Variants in ACOT11 observed in about 807,000 individuals in gnomAD.
The protein encoded by ACOT11 is acyl-coenzyme A thioesterase 11.
Under a neutral mutation model 77.5 loss-of-function variants are expected in ACOT11, and 69 were observed. The observed-to-expected ratio is 0.89, with a 90% CI of 0.73 to 1.09. ACOT11 has a LOEUF of 1.09. Ranked by LOEUF, ACOT11 falls within the 50% of genes least tolerant of loss-of-function variation. The pLI is 0.00. For missense variants in ACOT11, 766 were observed against 813.7 expected, an observed-to-expected ratio of 0.94 and a Z score of 0.71; for synonymous variants, 279 against 313.0, an observed-to-expected ratio of 0.89 and a Z score of 1.15.
At chr1:54,591,694 G>T (rs1456664342) in intron 3 of ACOT11, among the ~76,000 whole-genome samples, 1 of 152,318 alleles carries the variant, frequency 6.6e-6, no homozygotes, top group South Asian at 2.1e-4. Flanking sequence ...AGGCTAGGTG[G>T]CTCCCCTGGG....
chr1:54,610,738 A>G (rs1312290771), downstream of ACOT11: 1 of 915,588 alleles, frequency 1.1e-6, no homozygotes, highest in East Asian at 1.7e-4. Context: ...AGGTCTTATA[A>G]GCAGTAAGCA....
At chr1:54,560,687 C>G (rs1267893395) in intron 1 of ACOT11, among the ~76,000 whole-genome samples, 1 of 151,852 alleles carries the variant, frequency 6.6e-6, no homozygotes, top group Non-Finnish European at 1.5e-5. Context: ...TACACCTGAC[C>G]TAGCAACCAA....
rs1187150361 is a variant in ACOT11, at chr1:54,601,289, T to C, written c.905T>C (p.Val302Ala). 6.2e-7 allele frequency: 1 copy of C among 1,612,400 alleles called. No homozygotes were observed. The highest frequency in any genetic ancestry group is 8.5e-7 in the Non-Finnish European group (1 of 1,179,982). ...FKHSMEVGVC[V>A]EAYRQEAETH... is the part of the protein sequence containing the mutation. ...CTCAGCATGGAGGTGGGCGTGTGCG[T>C]GGAGGCCTATCGCCAGGAGGCTGAG... Residue 302 changes from valine to alanine, a missense_variant, in exon 9 of 16, where the codon GTG becomes GCG. Val to Ala is a moderately conservative substitution (Grantham distance 64). Coordinates refer to ENST00000343744, the MANE Select transcript of ACOT11 (RefSeq NM_147161.4).
intron 1 of ACOT11, among the ~76,000 whole-genome samples, chr1:54,567,174 C>A (rs919713559): frequency 6.6e-6 from 1 of 152,230 alleles, no homozygotes; most frequent in Non-Finnish European, 1.5e-5. Context: ...TTGTCCCCTA[C>A]TTATTTCTAC....
chr1:54,590,159 G>A (rs529679238), intron 3 of ACOT11, among the ~76,000 whole-genome samples: 13 of 151,764 alleles, frequency 8.6e-5, no homozygotes, highest in Non-Finnish European at 1.3e-4. Flanking sequence ...CTCTGGCACC[G>A]TCTCTCTCTC....
In ACOT11 at chr1:54,604,232, C is replaced by T. The variant is rs537419010; in HGVS notation, c.1153-114C>T. On this transcript the variant is annotated intron_variant, in intron 11 of 15. Transcript: ENST00000343744. ...TCCACAGCACCTGCCGCACCACCCACCCACCGCCCAACCCATTCCTGGCCC... is the reference window on the plus strand; with the variant it reads ...TCCACAGCACCTGCCGCACCACCCATCCACCGCCCAACCCATTCCTGGCCC... 3.5e-5 allele frequency: 33 copies of T among 951,020 alleles called. No homozygotes were observed. In the East Asian group the frequency reaches 7.0e-4, roughly 20 times the overall value. The allele number at this position is 951,020 out of a possible 1,614,324, so 58.9% of individuals were successfully genotyped here. A position where few individuals can be genotyped will look rare whatever the true frequency, so the allele number is the denominator to read the frequency against.
intron 1 of ACOT11, among the ~76,000 whole-genome samples, chr1:54,574,235 G>A (rs982778913): frequency 6.6e-5 from 10 of 152,180 alleles, no homozygotes; most frequent in African/African-American, 1.4e-4. Flanking sequence ...CAAACAATAC[G>A]GAGGAGCTGA....
At chr1:54,573,561 C>T (rs1224602680) in intron 1 of ACOT11, among the ~76,000 whole-genome samples, 2 of 152,038 alleles carry the variant, frequency 1.3e-5, no homozygotes, top group Non-Finnish European at 2.9e-5. Flanking sequence ...GGTGAAACCC[C>T]ATCTCTACTA....
Position 54,609,443 on chromosome 1 carries a change from A to C in ACOT11, c.*331A>C, listed in dbSNP as rs1384884926. 6.2e-7 allele frequency: 1 copy of C among 1,613,770 alleles called. No homozygotes were observed. Among genetic ancestry groups the C allele is most frequent in the Non-Finnish European group, 8.5e-7 (1 of 1,180,022 alleles). ...GGTGGCCCGGGGGGAGGATGCCAGC[A>C]GCCTGCCTATGGCTCCAGCTGTGCT... On this transcript the variant is annotated 3_prime_UTR_variant, in exon 16 of 16. Transcript: ENST00000343744.
chr1:54,558,755 G>A (rs927306939), intron 1 of ACOT11, among the ~76,000 whole-genome samples: 2 of 152,184 alleles, frequency 1.3e-5, no homozygotes, highest in Non-Finnish European at 1.5e-5. Context: ...GGAAGAGGCT[G>A]AGGGCAGGCT....
chr1:54,580,288 A>T (rs553912911), intron 1 of ACOT11, among the ~76,000 whole-genome samples: 1 of 152,244 alleles, frequency 6.6e-6, no homozygotes, highest in Admixed American at 6.5e-5. Flanking sequence ...CAGGGCAGGT[A>T]GGTCTCCTTT....
At position 54,562,626 on chromosome 1, in the gene ACOT11, C is replaced by T. The variant is rs1439617028; in HGVS notation, c.33+14284C>T. The stretch of plus-strand genomic sequence containing the variant: ...CTTCTCAGATGGGGCAGCTGCCGGG[C>T]GGAGGGGCTCCTCACTTCTCAGACG... On this transcript the variant is annotated intron_variant, in intron 1 of 15. Transcript: ENST00000343744. Among the ~76,000 whole-genome samples, 1,199 of 144,068 alleles carry T rather than the reference C, an allele frequency of 8.3e-3. 21 individuals carry two copies. The highest frequency in any genetic ancestry group is 0.029 in the African/African-American group (1,127 of 38,472). 94.5% of individuals were successfully genotyped at this position (144,068 alleles called of 152,430 possible).
intron 1 of ACOT11, among the ~76,000 whole-genome samples, chr1:54,566,077 C>G (rs1033151482): frequency 4.6e-5 from 7 of 152,194 alleles, no homozygotes; most frequent in Non-Finnish European, 7.3e-5. Flanking sequence ...TCTGGAGAGC[C>G]AGACTCTCCT....
At chr1:54,600,923 C>T (rs768651181) in intron 8 of ACOT11, among the ~76,000 whole-genome samples, 5 of 152,166 alleles carry the variant, frequency 3.3e-5, no homozygotes, top group Non-Finnish European at 7.3e-5. Context: ...GCCCATGAGG[C>T]ATAGACTGGA....
Position 54,609,401 on chromosome 1 carries a change from T to A in ACOT11, c.*289T>A. Reference sequence around the variant, plus strand: ...AGAGGCATAGTCGCCCCCAGCTGGGTTGTGCTCCACTGTGACGGTGGCCCG... The same window carrying A: ...AGAGGCATAGTCGCCCCCAGCTGGGATGTGCTCCACTGTGACGGTGGCCCG... On this transcript the variant is annotated 3_prime_UTR_variant, in exon 16 of 16. Coordinates refer to ENST00000343744, the MANE Select transcript of ACOT11 (RefSeq NM_147161.4). The A allele has an allele frequency of 6.2e-7, 1 of 1,614,016 alleles. No individual in the cohort carries two copies. The highest frequency in any genetic ancestry group is 1.7e-5 in the Admixed American group (1 of 60,020).
downstream of ACOT11, chr1:54,614,890 A>G (rs769466309): frequency 6.2e-7 from 1 of 1,606,464 alleles, no homozygotes; most frequent in South Asian, 1.1e-5. Context: ...GCTTGGGGAA[A>G]TGGCGAAGGA....
chr1:54,622,781 C>T (rs565676472), intron 15 of ACOT11, among the ~76,000 whole-genome samples: 3 of 151,902 alleles, frequency 2.0e-5, no homozygotes, highest in African/African-American at 4.8e-5. Context: ...GGGAAGTCAA[C>T]GGGACTTTCT....
At chr1:54,573,425 G>T (rs1461540956) in intron 1 of ACOT11, among the ~76,000 whole-genome samples, 1 of 152,238 alleles carries the variant, frequency 6.6e-6, no homozygotes, top group Non-Finnish European at 1.5e-5. Flanking sequence ...GATTAAAAGA[G>T]ATAATGTGTA....
At chr1:54,586,752 C>T (rs1172797) in intron 3 of ACOT11, among the ~76,000 whole-genome samples, 29,268 of 151,876 alleles carry the variant, frequency 0.19, 4,815 homozygotes, top group African/African-American at 0.41. Flanking sequence ...TCTTTTCTTT[C>T]TTTTAATGGC....
Sources: allele counts gnomAD v4.1 joint callset (sites outside exome capture counted in the v4.1 genomes callset), GRCh38; gene constraint gnomAD v4.1.1; transcripts MANE v1.5; gene names NCBI Gene and HGNC (gene_info 2026-07-23, HGNC 2026-07-21).